Variants in UMODL1 observed in about 807,000 individuals in gnomAD.
The protein encoded by UMODL1 is uromodulin-like 1.
A neutral mutation model predicts 136.3 loss-of-function variants in UMODL1; 128 were observed. The observed-to-expected ratio is 0.94, with a 90% CI of 0.81 to 1.09. The LOEUF is 1.09. Ranked by LOEUF, UMODL1 falls within the 50% of genes least tolerant of loss-of-function variation. The pLI is 0.00. For synonymous variants in UMODL1, 721 were observed against 720.0 expected (o/e 1.00, Z -0.02); for missense variants, 1,766 against 1,725.6 (o/e 1.02, Z -0.41).
At chr21:42,107,563 G>A (rs765687687) in intron 9 of UMODL1, among the ~76,000 whole-genome samples, 5 of 152,196 alleles carry the variant, frequency 3.3e-5, no homozygotes, top group African/African-American at 4.8e-5. Flanking sequence ...TTAGGTTCAC[G>A]GGTACCGCTA....
chr21:42,068,921 AC>A (rs1299438256), upstream of UMODL1, among the ~76,000 whole-genome samples: 1 of 152,190 alleles, frequency 6.6e-6, no homozygotes, highest in Non-Finnish European at 1.5e-5. The surrounding 1 kb of genome is among the most constrained non-coding windows in gnomAD (Gnocchi z 5.5). Context: ...AGCATGGCAC[AC>A]CAGTGGCCTC....
intron 1 of UMODL1, among the ~76,000 whole-genome samples, chr21:42,072,557 G>A (rs529380569): frequency 2.7e-4 from 41 of 152,280 alleles, no homozygotes; most frequent in African/African-American, 9.6e-4. Flanking sequence ...ATGAGGACAC[G>A]GGGCAGAACC....
intron 6 of UMODL1, among the ~76,000 whole-genome samples, chr21:42,094,929 C>T (rs936720073): frequency 6.6e-6 from 1 of 151,894 alleles, no homozygotes; most frequent in Admixed American, 6.6e-5. Flanking sequence ...GTTCTGAGGA[C>T]CAGAAATTTG....
chr21:42,084,867 A>G (rs2066407446), intron 3 of UMODL1, among the ~76,000 whole-genome samples: 1 of 151,270 alleles, frequency 6.6e-6, no homozygotes, highest in Non-Finnish European at 1.5e-5. Flanking sequence ...ATGCTATTAT[A>G]TAGTATATAT....
Position 42,103,971 on chromosome 21 carries a change from A to T in UMODL1, c.1403A>T (p.Lys468Met). The part of the protein sequence containing the change: ...LQAGSVVVRL[K>M]LTVQDPGFPM... ...GCGGGAAGTGTGGTCGTGAGGCTCA[A>T]GCTCACCGTGCAGGACCCCGGGTTT... Residue 468 changes from lysine (K) to methionine (M), a missense_variant, in exon 9 of 23, where the codon AAG becomes ATG. Physicochemically the swap from Lys to Met is moderately conservative, Grantham distance 95. Coordinates refer to ENST00000408910, the MANE Select transcript of UMODL1 (RefSeq NM_001004416.3). 6.2e-7 allele frequency: 1 copy of T among 1,614,104 alleles called. No homozygotes were observed. The highest frequency in any genetic ancestry group is 8.5e-7 in the Non-Finnish European group (1 of 1,180,026).
At chr21:42,104,669 C>T (rs780604020) in intron 9 of UMODL1, among the ~76,000 whole-genome samples, 4 of 152,290 alleles carry the variant, frequency 2.6e-5, no homozygotes, top group Admixed American at 6.5e-5. Context: ...AGGCTGGTCT[C>T]GAACTCCTGA....
chr21:42,075,868 G>A, intron 1 of UMODL1, 137 bp from the exon 2 acceptor site: 3 of 1,279,356 alleles, frequency 2.3e-6, no homozygotes, highest in African/African-American at 3.0e-5. Flanking sequence ...GAGGGCTGGT[G>A]GGCAGCTTCT....
chr21:42,065,317 A>G (rs185919798), intron 1 of UMODL1, among the ~76,000 whole-genome samples: 1 of 152,262 alleles, frequency 6.6e-6, no homozygotes, highest in East Asian at 1.9e-4. Flanking sequence ...TTCAGATTCT[A>G]TTGCTCTTGC....
Position 42,123,277 on chromosome 21 carries a change from A to G in UMODL1, c.3147+127A>G, listed in dbSNP as rs78386096. 8,502 of 1,142,716 alleles carry G rather than the reference A, an allele frequency of 7.4e-3. 459 individuals are homozygous for G. The African/African-American group carries it at 0.12, about 16-fold the overall frequency. 70.8% of individuals were successfully genotyped at this position (1,142,716 alleles called of 1,614,324 possible). The stretch of plus-strand genomic sequence containing the variant: ...GAGGGGAACCCAGCAAGGGGGGTTC[A>G]GGACAGGGTTGAGTTCTCAACCAGG... On this transcript the variant is annotated intron_variant, in intron 17 of 22. Coordinates refer to ENST00000408910, the MANE Select transcript of UMODL1 (RefSeq NM_001004416.3). This position sits in a 1 kb window ranked among gnomAD's most constrained non-coding sequence, Gnocchi z 4.4.
chr21:42,067,036 G>A (rs61570881), upstream of UMODL1, among the ~76,000 whole-genome samples: 7,330 of 149,548 alleles, frequency 0.049, 429 homozygotes, highest in African/African-American at 0.14. Flanking sequence ...GTGCAGTGGC[G>A]CGATCTTGGC....
At chr21:42,105,479 T>C (rs1229614731) in intron 9 of UMODL1, among the ~76,000 whole-genome samples, 2 of 152,170 alleles carry the variant, frequency 1.3e-5, no homozygotes, top group Non-Finnish European at 2.9e-5. Context: ...TCCAAAAAGA[T>C]ATGTTCACCT....
intron 2 of UMODL1, among the ~76,000 whole-genome samples, chr21:42,077,458 A>G (rs1321558740): frequency 1.3e-5 from 2 of 151,120 alleles, no homozygotes; most frequent in Non-Finnish European, 2.9e-5. Flanking sequence ...GTGGGGGTCT[A>G]GTTAAAACAA....
intron 6 of UMODL1, among the ~76,000 whole-genome samples, chr21:42,098,234 C>T (rs79476410): frequency 0.013 from 2,001 of 152,280 alleles, 45 homozygotes; most frequent in African/African-American, 0.045. Flanking sequence ...AGCCCCACGA[C>T]TCAATGCTGT....
At chr21:42,107,961 C>T (rs145847194) in intron 9 of UMODL1, among the ~76,000 whole-genome samples, 51 of 152,364 alleles carry the variant, frequency 3.3e-4, no homozygotes, top group African/African-American at 1.2e-3. Flanking sequence ...GCTGGCTCTG[C>T]GCCCTCGCCT....
At chr21:42,109,792 G>A (rs2066792209) in intron 10 of UMODL1, 93 bp downstream of exon 10, 1 of 1,390,076 alleles carries the variant, frequency 7.2e-7, no homozygotes, top group South Asian at 1.3e-5. Context: ...GCACAGGGCT[G>A]AGGACCTATG....
At chr21:42,140,179 C>T (rs189255587) in intron 22 of UMODL1, among the ~76,000 whole-genome samples, 8 of 152,308 alleles carry the variant, frequency 5.3e-5, no homozygotes, top group Non-Finnish European at 1.2e-4. Flanking sequence ...AAGCTGCCTG[C>T]CCGACGAAGA....
chr21:42,137,560 T>C lies in UMODL1; in HGVS notation c.3897T>C (p.Asn1299=). The C allele has an allele frequency of 6.2e-7, 1 of 1,614,156 alleles. No homozygotes were observed. Among genetic ancestry groups the C allele is most frequent in the South Asian group, 1.1e-5 (1 of 91,074 alleles). The change falls in exon 22 of 23, where the codon AAT becomes AAC. Residue 1299 remains asparagine (N), a synonymous_variant. Coordinates refer to ENST00000408910, the MANE Select transcript of UMODL1 (RefSeq NM_001004416.3). ...TGATCGTGCGCTACCAGAGAATGAATGGGAGATACAACTTTAAAATCCAGT... is the reference window on the plus strand; with the variant it reads ...TGATCGTGCGCTACCAGAGAATGAACGGGAGATACAACTTTAAAATCCAGT... ...TLLIVRYQRM[N]GRYNFKIQSN...
chr21:42,127,757 A>G lies in UMODL1; in HGVS notation c.3616A>G (p.Ile1206Val). The change falls in exon 20 of 23, where the codon ATC becomes GTC. Residue 1206 changes from isoleucine (I) to valine (V), a missense_variant. By Grantham distance (29) the Ile-to-Val change is conservative. Transcript: ENST00000408910. ...GTTCAAGCTGAGGATCTTTTCCTTT[A>G]TCAACGACTCCATCGTCTACCTGCA... Reference protein sequence around the residue: ...AQFKLRIFSFINDSIVYLHCK... With the variant: ...AQFKLRIFSFVNDSIVYLHCK... 1 of 1,614,170 alleles carries G rather than the reference A, an allele frequency of 6.2e-7. No homozygotes were observed. The highest frequency in any genetic ancestry group is 8.5e-7 in the Non-Finnish European group (1 of 1,180,026).
At chr21:42,113,953 C>G (rs113130333) in intron 13 of UMODL1, 123 bp downstream of exon 13, 46 of 1,352,858 alleles carry the variant, frequency 3.4e-5, no homozygotes, top group East Asian at 2.7e-4. Context: ...TTCTTCTCAG[C>G]TTAGGGACAT....
Sources: gnomAD v4.1 joint callset for allele counts (sites outside exome capture counted in the v4.1 genomes callset) on GRCh38, gnomAD v4.1.1 for gene constraint, Gnocchi (gnomAD v3.1) non-coding constraint, MANE v1.5 for transcripts, NCBI Gene and HGNC (gene_info 2026-07-23, HGNC 2026-07-21) for gene names.